KCNH8: variants seen among roughly 807,000 people sequenced by gnomAD.
The protein encoded by KCNH8 is voltage-gated delayed rectifier potassium channel KCNH8.
KCNH8 carries 70 observed loss-of-function variants against 103.6 expected under a neutral mutation model. The observed-to-expected ratio is 0.68, with a 90% CI of 0.56 to 0.82. The LOEUF is 0.82. Among genes scored for constraint, KCNH8 ranks in the 40% least tolerant of loss-of-function variants. The pLI is 0.00. For synonymous variants in KCNH8, 498 were observed against 489.4 expected (o/e 1.02, Z -0.23); for missense variants, 1,217 against 1,329.9 (o/e 0.92, Z 1.32).
intron 7 of KCNH8, among the ~76,000 whole-genome samples, chr3:19,422,604 C>T (rs2125158161): frequency 6.6e-6 from 1 of 152,158 alleles, no homozygotes; most frequent in African/African-American, 2.4e-5. Flanking sequence ...TCTGCAAACC[C>T]AAATCCTGTT....
intron 1 of KCNH8, 131 bp downstream of exon 1, chr3:19,148,926 T>C: frequency 2.4e-6 from 2 of 819,760 alleles, no homozygotes; most frequent in East Asian, 5.2e-5. Context: ...CAAGGTATCT[T>C]TTGTGCGGAG....
chr3:19,303,255 G>C (rs187767139), intron 3 of KCNH8, among the ~76,000 whole-genome samples: 1 of 152,096 alleles, frequency 6.6e-6, no homozygotes, highest in Non-Finnish European at 1.5e-5. Context: ...GATTAAATGC[G>C]TGGATTTCCA....
intron 14 of KCNH8, among the ~76,000 whole-genome samples, chr3:19,517,478 A>G (rs1006491059): frequency 2.0e-5 from 3 of 151,964 alleles, no homozygotes; most frequent in Non-Finnish European, 4.4e-5. Context: ...AAAAGTGGAG[A>G]AGAAGAACTA....
At chr3:19,210,413 C>G (rs1575439166) in intron 1 of KCNH8, among the ~76,000 whole-genome samples, 1 of 152,120 alleles carries the variant, frequency 6.6e-6, no homozygotes, top group Non-Finnish European at 1.5e-5. Context: ...TTACATAGGA[C>G]TTAGTAAGAA....
chr3:19,355,022 A>G (rs1316176634), intron 5 of KCNH8, among the ~76,000 whole-genome samples: 2 of 152,234 alleles, frequency 1.3e-5, no homozygotes, highest in Non-Finnish European at 2.9e-5. Context: ...AAGAAACTCA[A>G]ACAAATTTAC....
intron 1 of KCNH8, among the ~76,000 whole-genome samples, chr3:19,216,298 C>T (rs573856717): frequency 6.6e-6 from 1 of 152,332 alleles, no homozygotes; most frequent in East Asian, 1.9e-4. Flanking sequence ...GGCTGGCCTA[C>T]TTCTCCATCA....
intron 2 of KCNH8, among the ~76,000 whole-genome samples, chr3:19,276,911 A>G (rs2064681333): frequency 6.6e-6 from 1 of 152,158 alleles, no homozygotes; most frequent in East Asian, 1.9e-4. Flanking sequence ...GCATTCCTGT[A>G]TTTATTGCAG....
At chr3:19,278,126 A>G (rs559701334) in intron 2 of KCNH8, among the ~76,000 whole-genome samples, 1 of 152,116 alleles carries the variant, frequency 6.6e-6, no homozygotes, top group Non-Finnish European at 1.5e-5. Flanking sequence ...TAAGAGGTGA[A>G]AGGTGTCATT....
chr3:19,203,483 C>G (rs570710460), intron 1 of KCNH8, among the ~76,000 whole-genome samples: 49 of 151,866 alleles, frequency 3.2e-4, no homozygotes, highest in Non-Finnish European at 6.0e-4. Flanking sequence ...CCAGACAACT[C>G]AGAGAAAATT....
chr3:19,308,514 T>C (rs1447014847), intron 3 of KCNH8, among the ~76,000 whole-genome samples: 2 of 151,944 alleles, frequency 1.3e-5, no homozygotes, highest in East Asian at 1.9e-4. Context: ...ATCTTCCATA[T>C]AATATTTGAG....
intron 11 of KCNH8, among the ~76,000 whole-genome samples, chr3:19,475,341 G>A (rs528687813): frequency 1.3e-5 from 2 of 152,270 alleles, no homozygotes; most frequent in South Asian, 4.1e-4. Flanking sequence ...CCCATTCTAA[G>A]TGAATTTGCC....
At chr3:19,170,806 A>ATTTTTT (rs1473525004) in intron 1 of KCNH8, among the ~76,000 whole-genome samples, 9 of 103,374 alleles carry the variant, frequency 8.7e-5, no homozygotes, top group African/African-American at 3.9e-4. Context: ...ATATATATAT[A>ATTTTTT]TATATTTTTT....
Position 19,275,451 on chromosome 3 carries a change from T to G in KCNH8, c.311-5747T>G, listed in dbSNP as rs76920042. Among the ~76,000 whole-genome samples the G allele has an allele frequency of 4.4e-3, 674 of 152,174 alleles. 23 individuals carry two copies. The East Asian group carries it at 0.084, about 19-fold the overall frequency. Reference sequence around the variant, plus strand: ...GTCAGGAAACCAGTGCCATTTACTTTGGCTCACTAGTATCCTGGGGCATTT... The same window carrying G: ...GTCAGGAAACCAGTGCCATTTACTTGGGCTCACTAGTATCCTGGGGCATTT... On this transcript the variant is annotated intron_variant, in intron 2 of 15. Coordinates refer to ENST00000328405, the MANE Select transcript of KCNH8 (RefSeq NM_144633.3).
chr3:19,435,026 C>A (rs1023241071), intron 7 of KCNH8, among the ~76,000 whole-genome samples: 1 of 151,904 alleles, frequency 6.6e-6, no homozygotes, highest in Non-Finnish European at 1.5e-5. Flanking sequence ...AAGAATAAAT[C>A]TTAAATGTTC....
intron 1 of KCNH8, among the ~76,000 whole-genome samples, chr3:19,251,212 C>A (rs538592403): frequency 1.3e-5 from 2 of 152,114 alleles, no homozygotes; most frequent in South Asian, 2.1e-4. Context: ...GGGACCACAT[C>A]TAATGAACTT....
intron 7 of KCNH8, among the ~76,000 whole-genome samples, chr3:19,424,052 T>C (rs897652858): frequency 1.3e-5 from 2 of 152,076 alleles, no homozygotes; most frequent in Non-Finnish European, 2.9e-5. Context: ...AGTCTACAGA[T>C]TCAGTGCAGT....
chr3:19,277,508 C>T (rs1015574582), intron 2 of KCNH8, among the ~76,000 whole-genome samples: 2 of 152,032 alleles, frequency 1.3e-5, no homozygotes, highest in Non-Finnish European at 2.9e-5. Flanking sequence ...TGTGATCATG[C>T]CACTGCACTC....
chr3:19,190,999 A>G (rs1451127605), intron 1 of KCNH8, among the ~76,000 whole-genome samples: 1 of 151,912 alleles, frequency 6.6e-6, no homozygotes, highest in Non-Finnish European at 1.5e-5. Flanking sequence ...TCTTAAATTT[A>G]TAAGATTACT....
intron 11 of KCNH8, among the ~76,000 whole-genome samples, chr3:19,497,401 T>C (rs564528494): frequency 7.9e-5 from 12 of 152,314 alleles, no homozygotes; most frequent in African/African-American, 2.9e-4. Context: ...AACTTCCTCT[T>C]AACACCGCCT....
Sources: allele counts gnomAD v4.1 joint callset (sites outside exome capture counted in the v4.1 genomes callset), GRCh38; gene constraint gnomAD v4.1.1; transcripts MANE v1.5; gene names NCBI Gene and HGNC (gene_info 2026-07-23, HGNC 2026-07-21).